Variants in KATNAL1 observed in about 807,000 individuals in gnomAD.
KATNAL1 encodes katanin catalytic subunit A1 like 1.
KATNAL1 carries 32 observed loss-of-function variants against 55.2 expected under a neutral mutation model. The ratio of observed to expected loss-of-function variants is 0.58; its 90% CI spans 0.44 to 0.78. The LOEUF (loss-of-function observed/expected upper bound fraction) is 0.78. KATNAL1 is among the 30% of genes least tolerant of loss of function. The probability of loss-of-function intolerance (pLI) is 0.00; values close to 1 mark genes in which losing one functional copy is unlikely to be tolerated. For missense variants in KATNAL1, 466 were observed against 600.9 expected (o/e 0.78, Z 2.35); for synonymous variants, 193 against 193.6 (o/e 1.00, Z 0.02).
rs1006162527 is a variant in KATNAL1, at chr13:30,206,701, C to G, written c.*1839G>C. ...TACTTTTGCACCAACCCATTACAAA[C>G]AAGTTTTAACAATCACAAGACTAAT... On this transcript the variant is annotated 3_prime_UTR_variant, in exon 11 of 11. Coordinates refer to ENST00000380615, the MANE Select transcript of KATNAL1 (RefSeq NM_032116.5). The G allele has an allele frequency of 3.3e-5, 5 of 151,584 alleles. No individual in the cohort carries two copies. Among genetic ancestry groups the G allele is most frequent in the African/African-American group, 4.8e-5 (2 of 41,296 alleles). The allele number at this position is 151,584 out of a possible 1,614,324, so 9.4% of individuals were successfully genotyped here.
At chr13:30,214,750 T>C (rs1487012103) in intron 9 of KATNAL1, among the ~76,000 whole-genome samples, 1 of 151,952 alleles carries the variant, frequency 6.6e-6, no homozygotes, top group Non-Finnish European at 1.5e-5. Flanking sequence ...ATCCCTTCCT[T>C]ACACCTTATA....
chr13:30,295,338 T>C (rs1882408518), intron 1 of KATNAL1, among the ~76,000 whole-genome samples: 1 of 152,198 alleles, frequency 6.6e-6, no homozygotes, highest in Admixed American at 6.5e-5. Flanking sequence ...TTGATTCCAG[T>C]CCTCATGGAT....
Position 30,230,476 on chromosome 13 carries a change from T to C in KATNAL1, c.1004A>G (p.Gln335Arg), listed in dbSNP as rs759272283. ...AATTAAATATCAATTACCATCCATC[T>C]GAATGAGCAGTTCAGACTTGACCCT... ...SRRVKSELLI[Q>R]MDGVGGALEN... The change falls in exon 8 of 11, where the codon CAG becomes CGG. Residue 335 changes from glutamine to arginine, a missense_variant. Around this residue, in one of 3 missense-constraint regions of KATNAL1, gnomAD observed 213 missense variants for 308.6 expected, o/e 0.69. Coordinates refer to ENST00000380615, the MANE Select transcript of KATNAL1 (RefSeq NM_032116.5). The C allele has an allele frequency of 1.2e-6, 2 of 1,607,556 alleles. No homozygotes were observed. Among genetic ancestry groups the C allele is most frequent in the East Asian group, 2.2e-5 (1 of 44,762 alleles).
intron 6 of KATNAL1, among the ~76,000 whole-genome samples, chr13:30,239,504 G>A (rs780731623): frequency 9.2e-5 from 14 of 151,906 alleles, no homozygotes; most frequent in South Asian, 2.1e-4. Context: ...TTAAAAAAAC[G>A]TAATAGTTCT....
chr13:30,300,905 C>A (rs1173951804), intron 1 of KATNAL1, among the ~76,000 whole-genome samples: 2 of 152,126 alleles, frequency 1.3e-5, no homozygotes, highest in East Asian at 1.9e-4. Flanking sequence ...TGTTCATAAA[C>A]ATAAAAGAAT....
chr13:30,254,367 T>C (rs886077805), intron 4 of KATNAL1, among the ~76,000 whole-genome samples: 1 of 152,220 alleles, frequency 6.6e-6, no homozygotes, highest in Non-Finnish European at 1.5e-5. Flanking sequence ...TGCTGTTTCA[T>C]GGCATAAAAG....
intron 1 of KATNAL1, among the ~76,000 whole-genome samples, chr13:30,292,700 CTCTT>C (rs1389785434): frequency 1.3e-5 from 2 of 151,276 alleles, no homozygotes; most frequent in Non-Finnish European, 3.0e-5. Context: ...ACATGTCTTT[CTCTT>C]TCTTTTTTCA....
chr13:30,214,531 G>A (rs1874018690), intron 9 of KATNAL1, among the ~76,000 whole-genome samples: 1 of 152,114 alleles, frequency 6.6e-6, no homozygotes, highest in Admixed American at 6.5e-5. Flanking sequence ...TATACTACAA[G>A]GCTACAGTAA....
chr13:30,292,424 G>A (rs1882195248), intron 1 of KATNAL1, among the ~76,000 whole-genome samples: 1 of 151,832 alleles, frequency 6.6e-6, no homozygotes, highest in East Asian at 1.9e-4. Context: ...AATTTGAAAA[G>A]GGCCATGTAA....
chr13:30,205,634 G>T lies in KATNAL1; in HGVS notation c.*2906C>A, dbSNP rs1474646319. The T allele has an allele frequency of 5.8e-5, 4 of 68,632 alleles. No homozygotes were observed. Among genetic ancestry groups the T allele is most frequent in the Non-Finnish European group, 5.5e-5 (2 of 36,150 alleles). 4.3% of individuals were successfully genotyped at this position (68,632 alleles called of 1,614,324 possible). A position where few individuals can be genotyped will look rare whatever the true frequency, so the allele number is the denominator to read the frequency against. On this transcript the variant is annotated 3_prime_UTR_variant, in exon 11 of 11. Transcript: ENST00000380615. ...TCAGAGTGTGTGTGTGTGTGTGTATGTGAGTGTGAGTGTGTGTGTGATGTA... is the reference window on the plus strand; with the variant it reads ...TCAGAGTGTGTGTGTGTGTGTGTATTTGAGTGTGAGTGTGTGTGTGATGTA...
intron 1 of KATNAL1, among the ~76,000 whole-genome samples, chr13:30,298,444 A>G (rs78198969): frequency 1.3e-5 from 2 of 152,308 alleles, no homozygotes; most frequent in East Asian, 1.9e-4. Context: ...ACAAATCACA[A>G]AAGTACAGGA....
chr13:30,227,878 C>A (rs1875671922), intron 8 of KATNAL1, among the ~76,000 whole-genome samples: 1 of 151,816 alleles, frequency 6.6e-6, no homozygotes, highest in South Asian at 2.1e-4. Context: ...GGAGATTAGG[C>A]TCTGTTTTAT....
intron 6 of KATNAL1, among the ~76,000 whole-genome samples, chr13:30,238,740 T>C (rs1378698423): frequency 2.0e-5 from 3 of 152,214 alleles, no homozygotes; most frequent in African/African-American, 4.8e-5. Context: ...TATATGTAAC[T>C]GCCCAACTCT....
chr13:30,272,963 C>T (rs1880496200), intron 3 of KATNAL1, among the ~76,000 whole-genome samples: 1 of 152,172 alleles, frequency 6.6e-6, no homozygotes, highest in Non-Finnish European at 1.5e-5. Flanking sequence ...CTCTCTACAA[C>T]CACACCCTTA....
At chr13:30,298,993 C>T (rs986031492) in intron 1 of KATNAL1, among the ~76,000 whole-genome samples, 2 of 152,002 alleles carry the variant, frequency 1.3e-5, no homozygotes, top group Non-Finnish European at 2.9e-5. Context: ...CACCTAGAGA[C>T]AAGGTAGTAA....
In KATNAL1 at chr13:30,213,820, T is replaced by C. The variant is rs376577383; in HGVS notation, c.1148-3378A>G. Among the ~76,000 whole-genome samples, 236 of 152,188 alleles carry C rather than the reference T, an allele frequency of 1.6e-3. 1 individual carries two copies. Among genetic ancestry groups the C allele is most frequent in the African/African-American group, 4.8e-3 (200 of 41,464 alleles). On this transcript the variant is annotated intron_variant, in intron 9 of 10. Coordinates refer to ENST00000380615, the MANE Select transcript of KATNAL1 (RefSeq NM_032116.5). Reference sequence around the variant, plus strand: ...TGACAAACTCACAGCCAATATCATATTGAATGGGCAAAAACTGGAAGCATT... The same window carrying C: ...TGACAAACTCACAGCCAATATCATACTGAATGGGCAAAAACTGGAAGCATT...
intron 3 of KATNAL1, among the ~76,000 whole-genome samples, chr13:30,272,658 C>T (rs763404396): frequency 5.3e-5 from 8 of 151,430 alleles, no homozygotes; most frequent in Non-Finnish European, 1.2e-4. Context: ...AAAAAAAAGA[C>T]AGAAATGCCA....
chr13:30,271,368 A>G (rs1251807413), intron 3 of KATNAL1, among the ~76,000 whole-genome samples: 1 of 152,118 alleles, frequency 6.6e-6, no homozygotes, highest in African/African-American at 2.4e-5. Flanking sequence ...AAAGAAGTGT[A>G]ATTGGTTCAC....
intron 4 of KATNAL1, among the ~76,000 whole-genome samples, chr13:30,252,263 C>CT (rs1171375636): frequency 1.3e-5 from 2 of 152,102 alleles, no homozygotes; most frequent in African/African-American, 4.8e-5. Context: ...TCAAAGCGGG[C>CT]TTTTTTTGTA....
Sources: gnomAD v4.1 joint callset for allele counts (sites outside exome capture counted in the v4.1 genomes callset) on GRCh38, gnomAD v4.1.1 for gene constraint, gnomAD v4.1.1 regional missense constraint, MANE v1.5 for transcripts, NCBI Gene and HGNC (gene_info 2026-07-23, HGNC 2026-07-21) for gene names.